NYAP2: variants seen among roughly 807,000 people sequenced by gnomAD.
NYAP2 encodes the protein neuronal tyrosine-phosphorylated phosphoinositide-3-kinase adaptor 2.
Under a neutral mutation model 50.4 loss-of-function variants are expected in NYAP2, and 23 were observed. That is an observed-to-expected ratio of 0.46 (90% CI 0.33 to 0.65). The LOEUF (loss-of-function observed/expected upper bound fraction) is 0.65, where lower values mean the gene tolerates loss of function less well. NYAP2 is among the 30% of genes least tolerant of loss of function. The pLI is 0.02. For synonymous variants in NYAP2, 394 were observed against 365.2 expected (o/e 1.08, Z -0.90); for missense variants, 885 against 861.0 (o/e 1.03, Z -0.35).
At chr2:225,491,966 A>T (rs1690415240) in intron 3 of NYAP2, among the ~76,000 whole-genome samples, 2 of 152,212 alleles carry the variant, frequency 1.3e-5, no homozygotes, top group Non-Finnish European at 2.9e-5. Flanking sequence ...CCAGGAGATG[A>T]TGAACAGGTA....
intron 3 of NYAP2, among the ~76,000 whole-genome samples, chr2:225,484,756 A>T (rs1690260954): frequency 6.6e-6 from 1 of 152,254 alleles, no homozygotes. Flanking sequence ...TGTGAATCTT[A>T]TTACTTGAAC....
chr2:225,579,257 T>G (rs925166606), intron 4 of NYAP2, among the ~76,000 whole-genome samples: 6 of 152,186 alleles, frequency 3.9e-5, no homozygotes, highest in African/African-American at 1.4e-4. Flanking sequence ...CAGATGAATT[T>G]TTTTGTGGAA....
intron 3 of NYAP2, among the ~76,000 whole-genome samples, chr2:225,507,086 T>A (rs1036096128): frequency 5.3e-5 from 8 of 152,182 alleles, no homozygotes; most frequent in African/African-American, 1.7e-4. Context: ...AGTTTGTATC[T>A]CAAATTTCTA....
chr2:225,581,220 G>A (rs1489679954), intron 4 of NYAP2, among the ~76,000 whole-genome samples: 1 of 152,188 alleles, frequency 6.6e-6, no homozygotes. Flanking sequence ...ATTCTGATGT[G>A]TCAGTGGAAC....
chr2:225,637,323 C>T (rs950695087), intron 6 of NYAP2, among the ~76,000 whole-genome samples: 3 of 152,080 alleles, frequency 2.0e-5, no homozygotes, highest in East Asian at 1.9e-4. Flanking sequence ...TGTTGGAGTT[C>T]GGGTGTTCAT....
intron 6 of NYAP2, among the ~76,000 whole-genome samples, chr2:225,634,027 T>G (rs1223669444): frequency 6.6e-6 from 1 of 152,160 alleles, no homozygotes; most frequent in East Asian, 1.9e-4. Flanking sequence ...GCTTTTATTT[T>G]CCAGAAGCTG....
chr2:225,693,695 A>G, the NYAP2 span, among the ~76,000 whole-genome samples: 1 of 152,036 alleles, frequency 6.6e-6, no homozygotes, highest in South Asian at 2.1e-4. Flanking sequence ...TCTTGGGATT[A>G]TTTTATAAGA....
the NYAP2 span, among the ~76,000 whole-genome samples, chr2:225,691,629 A>G: frequency 1.3e-5 from 2 of 152,140 alleles, no homozygotes; most frequent in Non-Finnish European, 2.9e-5. Context: ...AACATTTTCA[A>G]TGAGAGCAAT....
rs200775997 is a variant in NYAP2, at chr2:225,536,534, T to C, written c.523+22862T>C. On this transcript the variant is annotated intron_variant, in intron 4 of 6. Transcript: ENST00000636099. ...TATTGCTGTTGTTGCCTTGTTTTTT[T>C]CTTTTTTCATTTTTTGAGTATATAG... is the stretch of plus-strand genomic sequence containing the variant. Among the ~76,000 whole-genome samples, 140 of 149,520 alleles carry C rather than the reference T, an allele frequency of 9.4e-4. 1 individual carries two copies. The highest frequency in any genetic ancestry group is 3.3e-3 in the African/African-American group (132 of 40,350).
chr2:225,639,295 T>C (rs1304473284), intron 6 of NYAP2, among the ~76,000 whole-genome samples: 1 of 152,230 alleles, frequency 6.6e-6, no homozygotes, highest in East Asian at 1.9e-4. Flanking sequence ...GCAGATTATA[T>C]ATAACCTGAG....
chr2:225,420,206 G>T (rs1559175067), intron 3 of NYAP2, among the ~76,000 whole-genome samples: 2 of 152,110 alleles, frequency 1.3e-5, no homozygotes, highest in African/African-American at 4.8e-5. Flanking sequence ...GATATTTTAA[G>T]TGCAATTTGC....
chr2:225,547,503 T>G (rs992167650), intron 4 of NYAP2, among the ~76,000 whole-genome samples: 2 of 152,220 alleles, frequency 1.3e-5, no homozygotes, highest in Non-Finnish European at 2.9e-5. Context: ...ACTTCTGGGA[T>G]GGATGATTCC....
At chr2:225,407,445 TTAGA>T (rs1247321617) in intron 2 of NYAP2, among the ~76,000 whole-genome samples, 3 of 151,930 alleles carry the variant, frequency 2.0e-5, no homozygotes, top group Non-Finnish European at 2.9e-5. Context: ...CAATAATTTC[TTAGA>T]TAGGAGAGAA....
chr2:225,568,865 G>A (rs79204641), intron 4 of NYAP2, among the ~76,000 whole-genome samples: 3,838 of 152,220 alleles, frequency 0.025, 155 homozygotes, highest in African/African-American at 0.087. Context: ...GAGATATAGA[G>A]GTTGAGAGGG....
intron 5 of NYAP2, among the ~76,000 whole-genome samples, chr2:225,602,168 G>T (rs1273924348): frequency 6.6e-6 from 1 of 152,230 alleles, no homozygotes; most frequent in Middle Eastern, 3.2e-3. Context: ...GGAATGTGCT[G>T]ACTGGTCTAT....
At chr2:225,460,376 T>C (rs1689810069) in intron 3 of NYAP2, among the ~76,000 whole-genome samples, 1 of 152,242 alleles carries the variant, frequency 6.6e-6, no homozygotes, top group Non-Finnish European at 1.5e-5. Flanking sequence ...ATTTGTCTTA[T>C]TTTTCTATTT....
rs543180001 is a variant in NYAP2, at chr2:225,555,555, C to T, written c.524-26386C>T. On this transcript the variant is annotated intron_variant, in intron 4 of 6. Coordinates refer to ENST00000636099, the Ensembl canonical transcript of NYAP2. Reference sequence around the variant, plus strand: ...TTTGATTTTTAGGGATCACCAGTACCTCCAGATGTGTGACCCATCCATCTA... The same window carrying T: ...TTTGATTTTTAGGGATCACCAGTACTTCCAGATGTGTGACCCATCCATCTA... 1.3e-5 allele frequency among the ~76,000 whole-genome samples: 2 copies of T among 152,256 alleles called. 1 individual carries two copies. The highest frequency in any genetic ancestry group is 4.1e-4 in the South Asian group (2 of 4,824).
At chr2:225,647,885 G>A (rs997114873) in intron 6 of NYAP2, among the ~76,000 whole-genome samples, 11 of 151,988 alleles carry the variant, frequency 7.2e-5, no homozygotes, top group African/African-American at 2.7e-4. Flanking sequence ...GTCCATGCTT[G>A]GCAACAACTT....
chr2:225,472,795 A>G (rs1188099040), intron 3 of NYAP2, among the ~76,000 whole-genome samples: 1 of 151,294 alleles, frequency 6.6e-6, no homozygotes, highest in Admixed American at 6.6e-5. Flanking sequence ...TACTCCTTTG[A>G]TTTTCTTTTT....
Sources: allele counts gnomAD v4.1 joint callset (sites outside exome capture counted in the v4.1 genomes callset), GRCh38; gene constraint gnomAD v4.1.1; transcripts MANE v1.5; gene names NCBI Gene and HGNC (gene_info 2026-07-23, HGNC 2026-07-21).